The following CNTN1 variants were observed in gnomAD, a reference collection of about 807,000 sequenced individuals.
CNTN1 encodes the protein contactin 1, also known as contactin-1.
CNTN1 carries 38 observed loss-of-function variants against 126.4 expected under a neutral mutation model. The observed-to-expected ratio is 0.30, with a 90% CI of 0.23 to 0.39. The LOEUF (loss-of-function observed/expected upper bound fraction) is 0.39. CNTN1 is among the 10% of genes least tolerant of loss of function. The pLI, the probability that CNTN1 is intolerant of heterozygous loss-of-function variation, is 1.00. For synonymous variants in CNTN1, 413 were observed against 422.6 expected, an observed-to-expected ratio of 0.98 and a Z score of 0.28; for missense variants, 1,009 against 1,248.4, an observed-to-expected ratio of 0.81 and a Z score of 2.89.
chr12:41,020,492 A>T, intron 20 of CNTN1, 52 bp downstream of exon 20: 1 of 1,157,062 alleles, frequency 8.6e-7, no homozygotes, highest in Non-Finnish European at 1.3e-6. Context: ...ATATATAAGC[A>T]TACGTTTTCA....
At chr12:40,865,415 G>T (rs921430251) in intron 1 of CNTN1, among the ~76,000 whole-genome samples, 1 of 151,776 alleles carries the variant, frequency 6.6e-6, no homozygotes, top group Non-Finnish European at 1.5e-5. Flanking sequence ...AAGAAATTTT[G>T]GCCTAACTCG....
chr12:40,825,485 A>C (rs1239338180), intron 1 of CNTN1, among the ~76,000 whole-genome samples: 2 of 152,174 alleles, frequency 1.3e-5, no homozygotes, highest in East Asian at 3.9e-4. Context: ...TTTTACATGC[A>C]CTATAAAATT....
At chr12:40,779,696 C>A (rs898854354) in intron 1 of CNTN1, among the ~76,000 whole-genome samples, 1 of 151,650 alleles carries the variant, frequency 6.6e-6, no homozygotes, top group African/African-American at 2.4e-5. Context: ...GCTTTGGAAT[C>A]CAACATAGAA....
chr12:40,783,972 C>T (rs1039779337), intron 1 of CNTN1, among the ~76,000 whole-genome samples: 5 of 152,072 alleles, frequency 3.3e-5, no homozygotes, highest in Non-Finnish European at 5.9e-5. Context: ...GCTAAATTTT[C>T]AGCTAACAGT....
intron 15 of CNTN1, chr12:40,978,620 G>C (rs560106064): frequency 6.6e-6 from 1 of 152,226 alleles, no homozygotes; most frequent in East Asian, 1.9e-4. Flanking sequence ...TATAATTATA[G>C]TGTTTTGCTC....
At chr12:40,696,669 A>AG (rs1231302769) in intron 1 of CNTN1, among the ~76,000 whole-genome samples, 5 of 152,242 alleles carry the variant, frequency 3.3e-5, no homozygotes, top group Non-Finnish European at 7.3e-5. Flanking sequence ...ATGTAGCAGC[A>AG]GGAGGATGGG....
chr12:40,897,865 C>T (rs1041961878), intron 1 of CNTN1, among the ~76,000 whole-genome samples: 30 of 152,108 alleles, frequency 2.0e-4, no homozygotes, highest in East Asian at 7.7e-4. Context: ...ATGATATTTT[C>T]TTGTAGAACT....
intron 1 of CNTN1, among the ~76,000 whole-genome samples, chr12:40,807,461 G>A (rs896695836): frequency 1.3e-5 from 2 of 152,076 alleles, no homozygotes; most frequent in African/African-American, 4.8e-5. Flanking sequence ...GGTGGCTCTA[G>A]CCTTGTCTAA....
chr12:41,062,292 A>G (rs1232009375), intron 23 of CNTN1, among the ~76,000 whole-genome samples: 2 of 152,218 alleles, frequency 1.3e-5, no homozygotes, highest in Non-Finnish European at 2.9e-5. Context: ...CTTTGTTAAC[A>G]TTAGACCATT....
intron 1 of CNTN1, among the ~76,000 whole-genome samples, chr12:40,898,982 CCTT>C: frequency 6.6e-6 from 1 of 152,172 alleles, no homozygotes; most frequent in Non-Finnish European, 1.5e-5. Context: ...AGTGATGAAG[CCTT>C]CTTATTAGAT....
intron 1 of CNTN1, among the ~76,000 whole-genome samples, chr12:40,810,805 G>T (rs575645625): frequency 6.6e-6 from 1 of 151,984 alleles, no homozygotes; most frequent in South Asian, 2.1e-4. Context: ...TTGCTTGAGG[G>T]CAAGAGTTTG....
intron 16 of CNTN1, 129 bp downstream of exon 16, chr12:40,981,196 A>C (rs1947809814): frequency 2.5e-6 from 2 of 808,648 alleles, no homozygotes; most frequent in Non-Finnish European, 3.9e-6. Context: ...AATTTTTTAA[A>C]ATGTATTCTA....
intron 1 of CNTN1, among the ~76,000 whole-genome samples, chr12:40,796,712 C>G (rs1940445569): frequency 6.6e-6 from 1 of 151,972 alleles, no homozygotes; most frequent in Non-Finnish European, 1.5e-5. Context: ...TCAGGAGAGA[C>G]AGAACTTAAG....
chr12:41,020,083 T>TATGTCTATATTA, intron 19 of CNTN1, among the ~76,000 whole-genome samples: 2 of 152,226 alleles, frequency 1.3e-5, no homozygotes, highest in South Asian at 4.1e-4. Context: ...TGTATGTGTA[T>TATGTCTATATTA]ATGTCTATAT....
chr12:40,698,074 T>G (rs192159182), intron 1 of CNTN1, among the ~76,000 whole-genome samples: 1 of 152,242 alleles, frequency 6.6e-6, no homozygotes, highest in East Asian at 1.9e-4. Flanking sequence ...GTCTTGTTAC[T>G]ACTCAATTTG....
intron 1 of CNTN1, among the ~76,000 whole-genome samples, chr12:40,869,946 G>A (rs568273152): frequency 6.6e-6 from 1 of 152,220 alleles, no homozygotes; most frequent in African/African-American, 2.4e-5. Flanking sequence ...TAATTCCCAC[G>A]TGTTGTGGGA....
intron 23 of CNTN1, among the ~76,000 whole-genome samples, chr12:41,035,255 T>A (rs1566186873): frequency 6.6e-6 from 1 of 152,232 alleles, no homozygotes; most frequent in African/African-American, 2.4e-5. Context: ...AAAATAATCC[T>A]CCAAGATGTA....
At chr12:40,826,118 C>A (rs7974079) in intron 1 of CNTN1, among the ~76,000 whole-genome samples, 240 of 152,208 alleles carry the variant, frequency 1.6e-3, no homozygotes, top group African/African-American at 5.5e-3. Context: ...CTAATTCTTA[C>A]ATTTGTAATT....
At chr12:40,955,994 T>G (rs1157525797) in intron 14 of CNTN1, among the ~76,000 whole-genome samples, 1 of 152,078 alleles carries the variant, frequency 6.6e-6, no homozygotes, top group Non-Finnish European at 1.5e-5. Context: ...AGGGGTAATC[T>G]GTGGAGGCTG....
Sources: allele counts gnomAD v4.1 joint callset (sites outside exome capture counted in the v4.1 genomes callset), GRCh38; gene constraint gnomAD v4.1.1; transcripts MANE v1.5; gene names NCBI Gene and HGNC (gene_info 2026-07-23, HGNC 2026-07-21).